The following RBM44 variants were observed in gnomAD, a reference collection of about 807,000 sequenced individuals.
RBM44 encodes RNA binding motif protein 44.
Under a neutral mutation model 105.1 loss-of-function variants are expected in RBM44, and 66 were observed. The ratio of observed to expected loss-of-function variants is 0.63; its 90% CI spans 0.52 to 0.77. The LOEUF (loss-of-function observed/expected upper bound fraction) is 0.77. Among genes scored for constraint, RBM44 ranks in the 30% least tolerant of loss-of-function variants. The pLI is 0.00. For missense variants in RBM44, 1,122 were observed against 1,207.8 expected (o/e 0.93, Z 1.05); for synonymous variants, 365 against 417.6 (o/e 0.87, Z 1.54).
intron 13 of RBM44, among the ~76,000 whole-genome samples, chr2:237,832,876 C>T (rs1252549903): frequency 1.3e-5 from 2 of 152,212 alleles, no homozygotes; most frequent in African/African-American, 4.8e-5. Context: ...CGTTTCTGAG[C>T]TTCCTTATCT....
Position 237,842,451 on chromosome 2 carries a change from G to C in RBM44, c.*635G>C, listed in dbSNP as rs571628192. ...GGTGTGTTAGCCTTCCCTGGGAAGG[G>C]TAAACTTGTATGTGCTTTGGTAAAG... On this transcript the variant is annotated 3_prime_UTR_variant, in exon 16 of 16. Coordinates refer to ENST00000316997, the MANE Select transcript of RBM44 (RefSeq NM_001080504.3). 3 of 152,136 alleles carry C rather than the reference G, an allele frequency of 2.0e-5. No homozygotes were observed. In the South Asian group the frequency reaches 6.2e-4, roughly 32 times the overall value. 9.4% of individuals were successfully genotyped at this position (152,136 alleles called of 1,614,324 possible).
In RBM44 at chr2:237,820,195, A is replaced by G; in HGVS notation, c.1757A>G (p.Asp586Gly). The change falls in exon 5 of 16, where the codon GAT (aspartate) becomes GGT (glycine). Residue 586 changes from aspartate (D) to glycine (G), a missense_variant. By Grantham distance (94) the Asp-to-Gly change is moderately conservative (BLOSUM62 -1). Transcript: ENST00000316997. ...TAAAGGGAATTTCAACTTTTTAAAG[A>G]TACAGAGAAGGATTTGCCATCAATG... ...HPEREFQLFK[D>G]TEKDLPSMCC... is the part of the protein sequence containing the mutation. 6.5e-7 allele frequency: 1 copy of G among 1,540,550 alleles called. No homozygotes were observed. The highest frequency in any genetic ancestry group is 8.7e-7 in the Non-Finnish European group (1 of 1,143,648).
intron 15 of RBM44, among the ~76,000 whole-genome samples, chr2:237,839,452 G>T (rs986096880): frequency 6.6e-6 from 1 of 152,064 alleles, no homozygotes; most frequent in African/African-American, 2.4e-5. Flanking sequence ...TGTGTTTTTA[G>T]TAGAGACGGG....
At chr2:237,828,937 A>G (rs2061876515) in intron 12 of RBM44, among the ~76,000 whole-genome samples, 1 of 151,990 alleles carries the variant, frequency 6.6e-6, no homozygotes, top group Non-Finnish European at 1.5e-5. Flanking sequence ...ACTCTATCAT[A>G]TATTAGCTTC....
intron 2 of RBM44, among the ~76,000 whole-genome samples, chr2:237,814,787 T>TA (rs2061696813): frequency 6.6e-6 from 1 of 152,152 alleles, no homozygotes; most frequent in African/African-American, 2.4e-5. Flanking sequence ...CAAATGGTAT[T>TA]ACGACAATTG....
At chr2:237,813,548 G>A (rs2061680707) in intron 1 of RBM44, 44 bp from the exon 2 acceptor site, 2 of 1,047,930 alleles carry the variant, frequency 1.9e-6, no homozygotes, top group South Asian at 1.4e-5. Flanking sequence ...GTCAATTTAT[G>A]CTTTTTAAGT....
Position 237,803,796 on chromosome 2 carries a change from T to C in RBM44, c.-19+4935T>C, listed in dbSNP as rs2061570843. Among the ~76,000 whole-genome samples the C allele has an allele frequency of 6.6e-6, 1 of 152,246 alleles. No homozygotes were observed. Among genetic ancestry groups the C allele is most frequent in the Admixed American group, 6.5e-5 (1 of 15,284 alleles). On this transcript the variant is annotated intron_variant, in intron 1 of 15. Transcript: ENST00000316997. The surrounding 1 kb of genome is among the most constrained non-coding windows in gnomAD (Gnocchi z 4.2). ...CTCACTTTTATTGTGGTGTGAGGTGTGGGTCCAGGCAATTTTTCCCTCTAG... is the reference window on the plus strand; with the variant it reads ...CTCACTTTTATTGTGGTGTGAGGTGCGGGTCCAGGCAATTTTTCCCTCTAG...
chr2:237,814,028 A>G (rs1054671779), intron 2 of RBM44, among the ~76,000 whole-genome samples: 1 of 152,190 alleles, frequency 6.6e-6, no homozygotes, highest in Admixed American at 6.6e-5. Context: ...TCTTCTTCCC[A>G]TAAATCTGAA....
At chr2:237,804,836 T>C (rs2061582511) in intron 1 of RBM44, among the ~76,000 whole-genome samples, 2 of 152,170 alleles carry the variant, frequency 1.3e-5, no homozygotes, top group South Asian at 4.1e-4. Flanking sequence ...CTTTCTGCAA[T>C]TGTTTTTGGG....
intron 1 of RBM44, among the ~76,000 whole-genome samples, chr2:237,801,710 A>G (rs1376976987): frequency 6.6e-6 from 1 of 152,196 alleles, no homozygotes; most frequent in Non-Finnish European, 1.5e-5. Flanking sequence ...GAGCCATTCC[A>G]TATTTGTCCT....
At chr2:237,832,308 A>G (rs888208731) in intron 13 of RBM44, among the ~76,000 whole-genome samples, 8 of 151,744 alleles carry the variant, frequency 5.3e-5, no homozygotes, top group African/African-American at 1.7e-4. Flanking sequence ...GTGTGTCATC[A>G]TGCCCAGCTA....
intron 10 of RBM44, among the ~76,000 whole-genome samples, chr2:237,825,437 C>T (rs1464768188): frequency 2.6e-5 from 4 of 152,294 alleles, no homozygotes; most frequent in African/African-American, 9.6e-5. Context: ...AACTCCTGAT[C>T]TCAAGTGATC....
chr2:237,822,466 T>G (rs2061803299), intron 8 of RBM44, among the ~76,000 whole-genome samples: 1 of 152,100 alleles, frequency 6.6e-6, no homozygotes, highest in African/African-American at 2.4e-5. Flanking sequence ...AGGCTGGGGT[T>G]TAGTCTGCTT....
chr2:237,800,742 T>TG (rs1223519982), intron 1 of RBM44, among the ~76,000 whole-genome samples: 2 of 151,810 alleles, frequency 1.3e-5, no homozygotes, highest in Admixed American at 1.3e-4. Context: ...TTTTTTTTTT[T>TG]TGAGGCGGAG....
intron 1 of RBM44, among the ~76,000 whole-genome samples, chr2:237,810,446 G>A (rs747267374): frequency 2.8e-4 from 42 of 152,228 alleles, no homozygotes; most frequent in Non-Finnish European, 1.0e-4. Context: ...ATCACATCCT[G>A]ACTGGCTAGG....
At position 237,817,938 on chromosome 2, in the gene RBM44, A is replaced by T. The variant is rs1463014638; in HGVS notation, c.1019A>T (p.Asp340Val). 7.5e-6 allele frequency: 12 copies of T among 1,600,458 alleles called. No homozygotes were observed. The highest frequency in any genetic ancestry group is 1.4e-5 in the African/African-American group (1 of 73,862). ...NMKSQINEGK[D>V]FCGNKIVENK... ...AAATCTCAAATAAATGAAGGTAAAG[A>T]TTTTTGTGGAAATAAAATTGTTGAG... The change falls in exon 3 of 16, where the codon GAT becomes GTT. Residue 340 changes from aspartate (D) to valine (V), a missense_variant. Coordinates refer to ENST00000316997, the MANE Select transcript of RBM44 (RefSeq NM_001080504.3).
At chr2:237,839,670 A>G (rs1249426220) in intron 15 of RBM44, among the ~76,000 whole-genome samples, 1 of 152,230 alleles carries the variant, frequency 6.6e-6, no homozygotes, top group African/African-American at 2.4e-5. Context: ...CTTAAACATA[A>G]GAGTTAAAAT....
intron 12 of RBM44, 91 bp from the exon 13 acceptor site, chr2:237,829,126 A>G (rs958790583): frequency 8.8e-5 from 79 of 896,620 alleles, no homozygotes; most frequent in Middle Eastern, 6.9e-4. Context: ...TACTCTTGTG[A>G]AAAACGTATT....
chr2:237,807,438 T>C (rs1424125836), intron 1 of RBM44, among the ~76,000 whole-genome samples: 1 of 152,254 alleles, frequency 6.6e-6, no homozygotes, highest in Non-Finnish European at 1.5e-5. Flanking sequence ...CCTGAGCCAC[T>C]GCGCCCAGTC....
Sources: gnomAD v4.1 joint callset for allele counts (sites outside exome capture counted in the v4.1 genomes callset) on GRCh38, gnomAD v4.1.1 for gene constraint, Gnocchi (gnomAD v3.1) non-coding constraint, MANE v1.5 for transcripts, NCBI Gene and HGNC (gene_info 2026-07-23, HGNC 2026-07-21) for gene names.